The following LGALS9 variants were observed in gnomAD, a reference collection of about 807,000 sequenced individuals.
LGALS9 encodes the protein galectin-9.
In LGALS9, 26 loss-of-function variants were observed where a neutral mutation model predicts 35.9. That is an observed-to-expected ratio of 0.72 (90% CI 0.53 to 1.01). The LOEUF is 1.01. Ranked by LOEUF, LGALS9 falls within the 50% of genes least tolerant of loss-of-function variation. LGALS9 has a pLI of 0.00. For missense variants in LGALS9, 347 were observed against 445.8 expected, an observed-to-expected ratio of 0.78 and a Z score of 1.99; for synonymous variants, 149 against 172.2, an observed-to-expected ratio of 0.87 and a Z score of 1.06.
At chr17:27,641,016 C>A in intron 3 of LGALS9, 1 of 719,804 alleles carries the variant, frequency 1.4e-6, no homozygotes, top group Non-Finnish European at 2.5e-6. Flanking sequence ...GGAGTCATCA[C>A]GTTGCTATTT....
chr17:27,632,921 G>A (rs979300428), intron 1 of LGALS9, among the ~76,000 whole-genome samples: 12 of 152,196 alleles, frequency 7.9e-5, no homozygotes, highest in African/African-American at 2.7e-4. Context: ...GGAAGGTCAC[G>A]CGGTTCGCTG....
chr17:27,645,971 A>T (rs1904911057), intron 7 of LGALS9, 60 bp downstream of exon 7: 1 of 1,612,530 alleles, frequency 6.2e-7, no homozygotes, highest in African/African-American at 1.3e-5. Context: ...ACCAAAAACT[A>T]AACTCCCTAG....
Position 27,640,748 on chromosome 17 carries a change from TC to T in LGALS9, c.310del (p.Leu104TrpfsTer9). On this transcript the variant is annotated frameshift_variant, in exon 3 of 11. Transcript: ENST00000395473. LOFTEE classifies it high-confidence loss of function. ...AAGGGGATGCCCTTTGACCTCTGCTTCCTGGTGCAGAGCTCAGATTTCAAGG... is the reference window on the plus strand; with the variant it reads ...AAGGGGATGCCCTTTGACCTCTGCTTCTGGTGCAGAGCTCAGATTTCAAGG... ...FQKGMPFDLC[F>X]LVQSSDFKVM... The T allele has an allele frequency of 6.2e-7, 1 of 1,614,152 alleles. No homozygotes were observed. The highest frequency in any genetic ancestry group is 1.1e-5 in the South Asian group (1 of 91,086).
At position 27,649,047 on chromosome 17, in the gene LGALS9, C is replaced by T; in HGVS notation, c.*65C>T. 2 of 1,607,984 alleles carry T rather than the reference C, an allele frequency of 1.2e-6. No homozygotes were observed. Among genetic ancestry groups the T allele is most frequent in the South Asian group, 2.2e-5 (2 of 90,586 alleles). On this transcript the variant is annotated 3_prime_UTR_variant, in exon 11 of 11. Coordinates refer to ENST00000395473, the MANE Select transcript of LGALS9 (RefSeq NM_009587.3). ...GCAGTCTGGGTCCTCTCATCATCCC[C>T]ACTTCCCAGGCCCAGCCTTTCCAAC...
chr17:27,646,907 G>C, intron 8 of LGALS9, 123 bp from the exon 9 acceptor site: 1 of 1,439,814 alleles, frequency 6.9e-7, no homozygotes, highest in Non-Finnish European at 9.5e-7. Flanking sequence ...GTTTTCCTTT[G>C]GCTTTTATGG....
Position 27,649,170 on chromosome 17 carries a change from A to G in LGALS9, c.*188A>G, listed in dbSNP as rs1598192736. The G allele has an allele frequency of 1.8e-4, 165 of 902,162 alleles. 1 individual carries two copies. The East Asian group carries it at 4.4e-3, about 24-fold the overall frequency. The allele number at this position is 902,162 out of a possible 1,614,324, so 55.9% of individuals were successfully genotyped here. On this transcript the variant is annotated 3_prime_UTR_variant, in exon 11 of 11. Coordinates refer to ENST00000395473, the MANE Select transcript of LGALS9 (RefSeq NM_009587.3). Reference sequence around the variant, plus strand: ...GGAACGGAGAAGGCAGCTGACGGGGATTGCCTTCCTCAGCCGCAGCAGCAC... The same window carrying G: ...GGAACGGAGAAGGCAGCTGACGGGGGTTGCCTTCCTCAGCCGCAGCAGCAC...
chr17:27,648,159 G>C (rs1001321115), intron 10 of LGALS9, among the ~76,000 whole-genome samples: 1 of 152,288 alleles, frequency 6.6e-6, no homozygotes, highest in Admixed American at 6.5e-5. Context: ...TGCAGTCAGA[G>C]TTGAAAATGA....
intron 10 of LGALS9, 101 bp downstream of exon 10, chr17:27,647,533 C>T: frequency 1.3e-6 from 2 of 1,485,372 alleles, no homozygotes; most frequent in East Asian, 4.9e-5. Flanking sequence ...GGGGCTGATT[C>T]CTCTGGGATG....
intron 7 of LGALS9, 21 bp downstream of exon 7, chr17:27,645,932 C>T: frequency 1.2e-6 from 2 of 1,607,542 alleles, no homozygotes; most frequent in Non-Finnish European, 1.7e-6. Context: ...AAGTTCTGGT[C>T]AGTTCACAGC....
chr17:27,648,718 G>A, intron 10 of LGALS9, 118 bp from the exon 11 acceptor site: 3 of 1,554,414 alleles, frequency 1.9e-6, no homozygotes, highest in Non-Finnish European at 2.6e-6. Flanking sequence ...ATAGAGTGCA[G>A]GTGAGGGGCT....
intron 2 of LGALS9, chr17:27,640,325 A>T: frequency 1.7e-6 from 1 of 583,242 alleles, no homozygotes. Flanking sequence ...TAATACCAGC[A>T]CTTTTCCTTA....
At chr17:27,641,164 T>C in intron 3 of LGALS9, 1 of 370,118 alleles carries the variant, frequency 2.7e-6, no homozygotes. Flanking sequence ...GGTATAGTTT[T>C]GTAAGCACAT....
intron 4 of LGALS9, 182 bp downstream of exon 4, chr17:27,642,530 T>A: frequency 8.6e-7 from 1 of 1,167,700 alleles, no homozygotes; most frequent in South Asian, 1.6e-5. Flanking sequence ...CCCCTCCTTC[T>A]GTGTTACTGT....
At chr17:27,641,144 G>T (rs1904463831) in intron 3 of LGALS9, 3 of 405,070 alleles carry the variant, frequency 7.4e-6, no homozygotes, top group South Asian at 3.9e-5. Flanking sequence ...TTTATCCAGG[G>T]TCTATTAAGG....
In LGALS9 at chr17:27,640,627, A is replaced by C. The variant is rs1365268059; in HGVS notation, c.187A>C (p.Asn63His). ...TGGAAATGACATTGCCTTCCACTTC[A>C]ACCCTCGGTTTGAAGATGGAGGGTA... ...FSGNDIAFHF[N>H]PRFEDGGYVV... is the part of the protein sequence containing the mutation. The change falls in exon 3 of 11, where the codon AAC becomes CAC. Residue 63 changes from asparagine (N) to histidine (H), a missense_variant. Asn to His is a moderately conservative substitution (Grantham distance 68). Coordinates refer to ENST00000395473, the MANE Select transcript of LGALS9 (RefSeq NM_009587.3). 2 of 1,614,036 alleles carry C rather than the reference A, an allele frequency of 1.2e-6. No homozygotes were observed. Among genetic ancestry groups the C allele is most frequent in the African/African-American group, 2.7e-5 (2 of 74,932 alleles).
chr17:27,637,713 G>A (rs917130611), intron 1 of LGALS9, among the ~76,000 whole-genome samples: 2 of 152,236 alleles, frequency 1.3e-5, no homozygotes, highest in Non-Finnish European at 2.9e-5. Flanking sequence ...ATTGTTATAT[G>A]GTGGTGGTGG....
intron 8 of LGALS9, 140 bp downstream of exon 8, chr17:27,646,728 G>A: frequency 1.4e-6 from 2 of 1,429,466 alleles, no homozygotes; most frequent in Non-Finnish European, 2.0e-6. Flanking sequence ...AAGCATCCCA[G>A]CGAATTAGAA....
chr17:27,644,756 C>G (rs933113193), intron 5 of LGALS9: 1 of 155,758 alleles, frequency 6.4e-6, no homozygotes, highest in South Asian at 2.0e-4. Context: ...CTGGCCCTGG[C>G]GCTGGCCCTG....
intron 7 of LGALS9, among the ~76,000 whole-genome samples, 193 bp downstream of exon 7, chr17:27,646,104 A>G (rs1034837684): frequency 3.9e-5 from 6 of 152,168 alleles, no homozygotes; most frequent in Non-Finnish European, 5.9e-5. Flanking sequence ...TGGAAGAAGC[A>G]GGGTTTATCC....
Sources: allele counts gnomAD v4.1 joint callset (sites outside exome capture counted in the v4.1 genomes callset), GRCh38; gene constraint gnomAD v4.1.1; transcripts MANE v1.5; gene names NCBI Gene and HGNC (gene_info 2026-07-23, HGNC 2026-07-21).